Variants in UNC5D observed in about 807,000 individuals in gnomAD.
UNC5D encodes netrin receptor UNC5D.
Under a neutral mutation model 105.4 loss-of-function variants are expected in UNC5D, and 39 were observed. That is an observed-to-expected ratio of 0.37 (90% CI 0.29 to 0.48). UNC5D has a LOEUF of 0.48. Among genes scored for constraint, UNC5D ranks in the 20% least tolerant of loss-of-function variants. The pLI, the probability that UNC5D is intolerant of heterozygous loss-of-function variation, is 0.98. For missense variants in UNC5D, 991 were observed against 1,202.4 expected, an observed-to-expected ratio of 0.82 and a Z score of 2.60; for synonymous variants, 452 against 450.4, an observed-to-expected ratio of 1.00 and a Z score of -0.04.
At chr8:35,419,702 G>T (rs1585799421) in intron 1 of UNC5D, among the ~76,000 whole-genome samples, 1 of 152,176 alleles carries the variant, frequency 6.6e-6, no homozygotes, top group East Asian at 1.9e-4. Context: ...GGTGGGGTAT[G>T]TGGTGCCCAG....
At chr8:35,595,127 G>A (rs1473434231) in intron 3 of UNC5D, among the ~76,000 whole-genome samples, 1 of 152,208 alleles carries the variant, frequency 6.6e-6, no homozygotes. Context: ...GGGAATGGCA[G>A]AGGTTACAGA....
chr8:35,549,871 G>A (rs1815981691), intron 2 of UNC5D, among the ~76,000 whole-genome samples: 1 of 151,582 alleles, frequency 6.6e-6, no homozygotes, highest in African/African-American at 2.4e-5. Flanking sequence ...CCCTTGTTAA[G>A]CAGCATGATT....
chr8:35,242,629 C>T (rs569259703), intron 1 of UNC5D, among the ~76,000 whole-genome samples: 22 of 152,200 alleles, frequency 1.4e-4, no homozygotes, highest in Non-Finnish European at 2.5e-4. Flanking sequence ...AGGCATGCAC[C>T]ATTGTGCCTG....
At chr8:35,744,090 G>T (rs187311408) in intron 11 of UNC5D, among the ~76,000 whole-genome samples, 1 of 152,218 alleles carries the variant, frequency 6.6e-6, no homozygotes, top group African/African-American at 2.4e-5. Context: ...GACATTGACA[G>T]CTTTGAAGAG....
At chr8:35,705,879 A>G in intron 7 of UNC5D, 50 bp from the exon 8 acceptor site, 1 of 1,167,428 alleles carries the variant, frequency 8.6e-7, no homozygotes, top group Non-Finnish European at 1.2e-6. Context: ...TATCTGCTCC[A>G]TGTAAATTTA....
chr8:35,586,375 A>G (rs1818794049), intron 3 of UNC5D, among the ~76,000 whole-genome samples: 1 of 152,164 alleles, frequency 6.6e-6, no homozygotes, highest in Non-Finnish European at 1.5e-5. Flanking sequence ...AAAGACTATC[A>G]CAATGAGGAA....
At chr8:35,529,947 T>A (rs1814210153) in intron 1 of UNC5D, among the ~76,000 whole-genome samples, 1 of 151,326 alleles carries the variant, frequency 6.6e-6, no homozygotes, top group African/African-American at 2.4e-5. Flanking sequence ...GATTTTGGGC[T>A]GAGACAATGG....
At chr8:35,270,047 A>G (rs1805168920) in intron 1 of UNC5D, among the ~76,000 whole-genome samples, 1 of 152,174 alleles carries the variant, frequency 6.6e-6, no homozygotes, top group Non-Finnish European at 1.5e-5. Flanking sequence ...TTTTGAATGT[A>G]TCTCTTGTGT....
chr8:35,429,121 G>C (rs1806453132), intron 1 of UNC5D, among the ~76,000 whole-genome samples: 1 of 152,052 alleles, frequency 6.6e-6, no homozygotes, highest in African/African-American at 2.4e-5. Flanking sequence ...AACACATCAT[G>C]GTTAATTGTC....
chr8:35,396,525 C>A (rs1479376080), intron 1 of UNC5D, among the ~76,000 whole-genome samples: 2 of 151,242 alleles, frequency 1.3e-5, no homozygotes, highest in East Asian at 1.9e-4. Context: ...GAGACAAAAA[C>A]CTCCCTCGGT....
intron 1 of UNC5D, among the ~76,000 whole-genome samples, chr8:35,248,935 A>G (rs1411665193): frequency 4.2e-5 from 4 of 94,770 alleles, no homozygotes; most frequent in Non-Finnish European, 7.3e-5. Flanking sequence ...ATATAAATAT[A>G]TAATATATTA....
intron 12 of UNC5D, among the ~76,000 whole-genome samples, chr8:35,749,303 T>C (rs59424516): frequency 0.031 from 4,725 of 152,200 alleles, 265 homozygotes; most frequent in African/African-American, 0.11. Context: ...GGGAAGACAG[T>C]CACAGCAATG....
chr8:35,266,910 G>A (rs1359564276), intron 1 of UNC5D, among the ~76,000 whole-genome samples: 1 of 152,106 alleles, frequency 6.6e-6, no homozygotes, highest in African/African-American at 2.4e-5. Context: ...TCCAAGACAA[G>A]TAGACAGAAG....
intron 1 of UNC5D, among the ~76,000 whole-genome samples, chr8:35,417,342 T>C (rs553710642): frequency 2.0e-5 from 3 of 152,242 alleles, no homozygotes; most frequent in Non-Finnish European, 2.9e-5. Context: ...TCTGCAATGA[T>C]GAGTTTACCT....
rs760215205 is a variant in UNC5D at position 35,774,300 on chromosome 8, G to A, written c.2480G>A (p.Ser827Asn). 3.1e-6 allele frequency: 5 copies of A among 1,614,034 alleles called. No individual in the cohort carries two copies. The highest frequency in any genetic ancestry group is 1.3e-5 in the African/African-American group (1 of 75,044). ...ATGCGTTCCTTATTTTGTTTATAGAGTGAACGAGAAACCATCACTTTCTTC... is the reference window on the plus strand; with the variant it reads ...ATGCGTTCCTTATTTTGTTTATAGAATGAACGAGAAACCATCACTTTCTTC... ...ILQVQTSILE[S>N]ERETITFFAQ... The change falls in exon 16 of 17, where the codon AGT becomes AAT. Residue 827 changes from serine to asparagine, a missense_variant and splice_region_variant. By Grantham distance (46) the Ser-to-Asn change is conservative. This residue lies in a region of UNC5D where 944 missense variants were observed against 1,131.6 expected (regional missense o/e 0.83). Coordinates refer to ENST00000404895, the MANE Select transcript of UNC5D (RefSeq NM_080872.4).
chr8:35,777,898 C>T (rs1026705761), intron 16 of UNC5D, among the ~76,000 whole-genome samples: 1 of 152,138 alleles, frequency 6.6e-6, no homozygotes, highest in Admixed American at 6.6e-5. Flanking sequence ...ATGCAGAGAA[C>T]CAGCTTCACA....
At chr8:35,266,802 T>C (rs1485450873) in intron 1 of UNC5D, among the ~76,000 whole-genome samples, 1 of 119,054 alleles carries the variant, frequency 8.4e-6, no homozygotes, top group Non-Finnish European at 1.8e-5. Flanking sequence ...GGATGGTTAA[T>C]GGAGCACCTA....
At chr8:35,331,656 T>C (rs532105581) in intron 1 of UNC5D, among the ~76,000 whole-genome samples, 23 of 152,286 alleles carry the variant, frequency 1.5e-4, no homozygotes, top group Admixed American at 5.9e-4. Flanking sequence ...ATCTTTTTAA[T>C]GTTTCTTTTT....
intron 11 of UNC5D, among the ~76,000 whole-genome samples, chr8:35,743,420 CCA>C (rs1325330709): frequency 6.6e-6 from 1 of 151,826 alleles, no homozygotes; most frequent in East Asian, 1.9e-4. Flanking sequence ...CAGGCATGCA[CCA>C]CCACGCCTGA....
Sources: gnomAD v4.1 joint callset for allele counts (sites outside exome capture counted in the v4.1 genomes callset) on GRCh38, gnomAD v4.1.1 for gene constraint, gnomAD v4.1.1 regional missense constraint, MANE v1.5 for transcripts, NCBI Gene and HGNC (gene_info 2026-07-23, HGNC 2026-07-21) for gene names.